The following CREBBP variants were observed in gnomAD, a reference collection of about 807,000 sequenced individuals.
CREBBP encodes CREB binding lysine acetyltransferase.
A neutral mutation model predicts 265.0 loss-of-function variants in CREBBP; 19 were observed. The ratio of observed to expected loss-of-function variants is 0.07; its 90% CI spans 0.05 to 0.11. The LOEUF (loss-of-function observed/expected upper bound fraction) is 0.11. Ranked by LOEUF, CREBBP falls within the 10% of genes least tolerant of loss-of-function variation. The pLI is 1.00. For synonymous variants in CREBBP, 1,457 were observed against 1,223.7 expected, an observed-to-expected ratio of 1.19 and a Z score of -3.98; for missense variants, 2,525 against 3,219.0, an observed-to-expected ratio of 0.78 and a Z score of 5.22.
Position 3,726,794 on chromosome 16 carries a change from A to G in CREBBP, c.*924T>C, listed in dbSNP as rs1379401259. ...AACACTAAGTGTTAATACCATGTAC[A>G]TGAATTCAAGAAGGACCACCCTTTT... On this transcript the variant is annotated 3_prime_UTR_variant, in exon 31 of 31. Transcript: ENST00000262367. 3 of 233,632 alleles carry G rather than the reference A, an allele frequency of 1.3e-5. No homozygotes were observed. Among genetic ancestry groups the G allele is most frequent in the Non-Finnish European group, 2.5e-5 (3 of 118,032 alleles). 14.5% of individuals were successfully genotyped at this position (233,632 alleles called of 1,614,324 possible).
At chr16:3,867,485 C>T (rs1272880350) in intron 1 of CREBBP, among the ~76,000 whole-genome samples, 1 of 151,900 alleles carries the variant, frequency 6.6e-6, no homozygotes, top group Non-Finnish European at 1.5e-5. Flanking sequence ...GAGCAAGACT[C>T]CGTCTCAAAC....
At chr16:3,789,375 CCTTT>C (rs1364116635) in intron 5 of CREBBP, among the ~76,000 whole-genome samples, 1 of 152,190 alleles carries the variant, frequency 6.6e-6, no homozygotes, top group Non-Finnish European at 1.5e-5. Flanking sequence ...AAATGTTCTT[CCTTT>C]GTTATTCTGT....
rs768022312 is a variant in CREBBP at position 3,793,591 on chromosome 16, T to C, written c.1011A>G (p.Thr337=). The change falls in exon 4 of 31, where the codon ACA becomes ACG. Residue 337 remains threonine (T), a synonymous_variant. Coordinates refer to ENST00000262367, the MANE Select transcript of CREBBP (RefSeq NM_004380.3). ...CAGTGGGGCCTGTTGCAATTGCTTG[T>C]GTGGGTACAATTCCCACTGATGTTT... ...QMQTSVGIVP[T]QAIATGPTAD... 1.2e-6 allele frequency: 2 copies of C among 1,613,706 alleles called. No individual in the cohort carries two copies. Among genetic ancestry groups the C allele is most frequent in the South Asian group, 2.2e-5 (2 of 91,054 alleles).
At chr16:3,748,772 G>GA (rs1238581588) in intron 21 of CREBBP, among the ~76,000 whole-genome samples, 1 of 152,140 alleles carries the variant, frequency 6.6e-6, no homozygotes, top group Non-Finnish European at 1.5e-5. Context: ...CTACCACACT[G>GA]AAAAAAATCT....
At chr16:3,750,774 G>A (rs1212959746) in intron 20 of CREBBP, among the ~76,000 whole-genome samples, 1 of 152,198 alleles carries the variant, frequency 6.6e-6, no homozygotes, top group African/African-American at 2.4e-5. Flanking sequence ...CAAAAAATGG[G>A]GTTGGAGAAC....
At chr16:3,769,025 T>A in intron 15 of CREBBP, 149 bp downstream of exon 15, 6 of 811,596 alleles carry the variant, frequency 7.4e-6, no homozygotes, top group Non-Finnish European at 1.0e-5. Flanking sequence ...TTTCAATCAA[T>A]TTCCTATACA....
chr16:3,776,005 C>A (rs2053129667), intron 11 of CREBBP, among the ~76,000 whole-genome samples: 1 of 152,034 alleles, frequency 6.6e-6, no homozygotes, highest in Non-Finnish European at 1.5e-5. Flanking sequence ...CAGCCTCCGC[C>A]TCCTGGGTTC....
At chr16:3,771,008 T>A (rs1355880869) in intron 13 of CREBBP, 22 bp from the exon 14 acceptor site, 2 of 1,612,026 alleles carry the variant, frequency 1.2e-6, no homozygotes, top group Non-Finnish European at 1.7e-6. Context: ...GGACAGAGTA[T>A]GGTAAAATTA....
At position 3,770,764 on chromosome 16, in the gene CREBBP, C is replaced by G. The variant is rs769934215; in HGVS notation, c.2686G>C (p.Gly896Arg). The G allele has an allele frequency of 2.5e-6, 4 of 1,613,988 alleles. No individual in the cohort carries two copies. The highest frequency in any genetic ancestry group is 2.2e-5 in the East Asian group (1 of 44,860). The change falls in exon 14 of 31, where the codon GGG becomes CGG. Residue 896 changes from glycine to arginine, a missense_variant. By Grantham distance (125) the Gly-to-Arg change is moderately radical. This residue lies in a region of CREBBP where 548 missense variants were observed against 533.0 expected (regional missense o/e 1.03). Coordinates refer to ENST00000262367, the MANE Select transcript of CREBBP (RefSeq NM_004380.3). ...TQPSTPVSSS[G>R]QTPTPTPGSV... is the part of the protein sequence containing the mutation. ...CCAGGAGTCGGGGTGGGAGTCTGCCCGGAAGACGACACAGGAGTTGATGGC... is the reference window on the plus strand; with the variant it reads ...CCAGGAGTCGGGGTGGGAGTCTGCCGGGAAGACGACACAGGAGTTGATGGC...
intron 16 of CREBBP, among the ~76,000 whole-genome samples, chr16:3,759,432 C>G (rs1395590255): frequency 6.6e-6 from 1 of 151,866 alleles, no homozygotes; most frequent in Non-Finnish European, 1.5e-5. Context: ...CTACTAAACA[C>G]AAATTTAGCC....
At chr16:3,793,067 C>T (rs1377069496) in intron 4 of CREBBP, among the ~76,000 whole-genome samples, 2 of 152,210 alleles carry the variant, frequency 1.3e-5, no homozygotes, top group African/African-American at 4.8e-5. Context: ...ACATTCACAA[C>T]AAAGACAGTG....
rs558800596 is a variant in CREBBP, at chr16:3,726,247, G to C, written c.*1471C>G. ...ATTCTGGGAGTCGTGTACGGGGGGG[G>C]GGAGCCGCCTGAACACGGGAAGAAG... On this transcript the variant is annotated 3_prime_UTR_variant, in exon 31 of 31. Transcript: ENST00000262367. 4.7e-5 allele frequency: 11 copies of C among 232,608 alleles called. No individual in the cohort carries two copies. Among genetic ancestry groups the C allele is most frequent in the African/African-American group, 6.6e-5 (3 of 45,248 alleles). 14.4% of individuals were successfully genotyped at this position (232,608 alleles called of 1,614,324 possible).
chr16:3,732,078 C>T (rs562777377), intron 28 of CREBBP, 141 bp from the exon 29 acceptor site: 7 of 1,505,062 alleles, frequency 4.7e-6, no homozygotes, highest in South Asian at 1.1e-5. Context: ...TGAACGGCTA[C>T]AGGTGGCTGT....
rs367690860 is a variant in CREBBP, at chr16:3,729,893, G to A, written c.5173-19C>T. Reference sequence around the variant, plus strand: ...CGTAGTCCTGCAAGCAAGGAAAGGGGACAGGCCGGTGTCAGCATGGGACCC... The same window carrying A: ...CGTAGTCCTGCAAGCAAGGAAAGGGAACAGGCCGGTGTCAGCATGGGACCC... On this transcript the variant is annotated intron_variant, in intron 30 of 30. Transcript: ENST00000262367. The A allele has an allele frequency of 5.0e-6, 8 of 1,599,524 alleles. No individual in the cohort carries two copies. Among genetic ancestry groups the A allele is most frequent in the Admixed American group, 1.7e-5 (1 of 59,858 alleles).
At chr16:3,787,058 GAGACTT>G (rs2053404102) in intron 5 of CREBBP, among the ~76,000 whole-genome samples, 1 of 138,228 alleles carries the variant, frequency 7.2e-6, no homozygotes, top group African/African-American at 3.2e-5. Flanking sequence ...GCGACAGAGT[GAGACTT>G]CGTCTCAAAA....
intron 19 of CREBBP, 41 bp from the exon 20 acceptor site, chr16:3,751,847 A>AT (rs1218828634): frequency 1.3e-6 from 2 of 1,595,226 alleles, no homozygotes; most frequent in African/African-American, 2.7e-5. Context: ...CTGGTCCATC[A>AT]TAACACACAG....
At chr16:3,811,033 C>G (rs1356692702) in intron 2 of CREBBP, among the ~76,000 whole-genome samples, 1 of 152,060 alleles carries the variant, frequency 6.6e-6, no homozygotes, top group Non-Finnish European at 1.5e-5. Flanking sequence ...CTCACTCAAT[C>G]CCTCCTGCCC....
Position 3,783,484 on chromosome 16 carries a change from T to C in CREBBP, c.1331-558A>G, listed in dbSNP as rs1280845943. Among the ~76,000 whole-genome samples the C allele has an allele frequency of 5.9e-5, 9 of 152,362 alleles. No individual in the cohort carries two copies. In the East Asian group the frequency reaches 1.2e-3, roughly 20 times the overall value. On this transcript the variant is annotated intron_variant, in intron 5 of 30. Coordinates refer to ENST00000262367, the MANE Select transcript of CREBBP (RefSeq NM_004380.3). Reference sequence around the variant, plus strand: ...CACATAATTGCAAGTCCTTGAAACATACACAAACAATGACAGCATGGACAT... The same window carrying C: ...CACATAATTGCAAGTCCTTGAAACACACACAAACAATGACAGCATGGACAT...
At chr16:3,874,306 T>A (rs977641428) in intron 1 of CREBBP, among the ~76,000 whole-genome samples, 8 of 152,188 alleles carry the variant, frequency 5.3e-5, no homozygotes, top group Non-Finnish European at 1.5e-5. Context: ...TCTCCCGGGC[T>A]CCACATCATG....
Sources: allele counts gnomAD v4.1 joint callset (sites outside exome capture counted in the v4.1 genomes callset), GRCh38; gene constraint gnomAD v4.1.1; regional missense constraint gnomAD v4.1.1; transcripts MANE v1.5; gene names NCBI Gene and HGNC (gene_info 2026-07-23, HGNC 2026-07-21).